The following ANO6 variants were observed in gnomAD, a reference collection of about 807,000 sequenced individuals.
The protein encoded by ANO6 is anoctamin-6.
In ANO6, 106 loss-of-function variants were observed where a neutral mutation model predicts 117.5. The observed-to-expected ratio is 0.90, with a 90% CI of 0.77 to 1.06. The LOEUF (loss-of-function observed/expected upper bound fraction) is 1.06, where lower values mean the gene tolerates loss of function less well. ANO6 is among the 50% of genes least tolerant of loss of function. The pLI is 0.00. For missense variants in ANO6, 955 were observed against 1,121.1 expected, an observed-to-expected ratio of 0.85 and a Z score of 2.12; for synonymous variants, 367 against 385.1, an observed-to-expected ratio of 0.95 and a Z score of 0.55.
At chr12:45,439,740 C>G in exon 20 of ANO6, 1 of 1,547,506 alleles carries the variant, frequency 6.5e-7, no homozygotes, top group Non-Finnish European at 8.7e-7. Flanking sequence ...ACCTCCGCCT[C>G]CCAGTTGACT....
At chr12:45,406,295 A>C (rs1474142540) in intron 15 of ANO6, among the ~76,000 whole-genome samples, 1 of 152,246 alleles carries the variant, frequency 6.6e-6, no homozygotes. Context: ...TGAGACCCGG[A>C]GAGCAAGCTC....
At position 45,431,390 on chromosome 12, in the gene ANO6, C is replaced by CATGT; in HGVS notation, c.*2084_*2087dup. ...GTGTTTAAATTTGGCAGTTACTCGCCATGTATGTCAGCATAGAAAAGGAAA... is the reference window on the plus strand; with the variant it reads ...GTGTTTAAATTTGGCAGTTACTCGCCATGTATGTATGTCAGCATAGAAAAGGAAA... On this transcript the variant is annotated 3_prime_UTR_variant, in exon 20 of 20. Transcript: ENST00000320560. The CATGT allele has an allele frequency of 1.0e-6, 1 of 985,326 alleles. No homozygotes were observed. Among genetic ancestry groups the CATGT allele is most frequent in the South Asian group, 4.7e-5 (1 of 21,278 alleles). The allele number at this position is 985,326 out of a possible 1,614,324, so 61.0% of individuals were successfully genotyped here. A position where few individuals can be genotyped will look rare whatever the true frequency, so the allele number is the denominator to read the frequency against.
At chr12:45,370,532 G>A (rs1455400426) in intron 9 of ANO6, among the ~76,000 whole-genome samples, 6 of 152,218 alleles carry the variant, frequency 3.9e-5, no homozygotes, top group African/African-American at 1.4e-4. Context: ...GTCAAGGCAA[G>A]TAGAGTGTTG....
Position 45,357,387 on chromosome 12 carries a change from C to G in ANO6, c.961C>G (p.Leu321Val), listed in dbSNP as rs770243770. 4.3e-6 allele frequency: 7 copies of G among 1,613,836 alleles called. No individual in the cohort carries two copies. The highest frequency in any genetic ancestry group is 5.9e-6 in the Non-Finnish European group (7 of 1,179,966). ...CGCAGTTGTAGGAGTGGCTTGCTTTCTCTATGGATATCTTAATCAAGATAA... is the reference window on the plus strand; with the variant it reads ...CGCAGTTGTAGGAGTGGCTTGCTTTGTCTATGGATATCTTAATCAAGATAA... ...LAAVVGVACF[L>V]YGYLNQDNCT... is the part of the protein sequence containing the mutation. Residue 321 changes from leucine (L) to valine (V), a missense_variant, in exon 8 of 20, where the codon CTC becomes GTC. Transcript: ENST00000320560.
intron 9 of ANO6, among the ~76,000 whole-genome samples, chr12:45,370,655 T>C (rs1249774279): frequency 6.6e-6 from 1 of 152,208 alleles, no homozygotes; most frequent in Non-Finnish European, 1.5e-5. Flanking sequence ...TTTCTTATAA[T>C]TTTACAATAA....
intron 1 of ANO6, among the ~76,000 whole-genome samples, chr12:45,242,303 A>T (rs2137167581): frequency 6.6e-6 from 1 of 152,328 alleles, no homozygotes; most frequent in East Asian, 1.9e-4. Context: ...TTCCCCTACC[A>T]GGCTGCAGCC....
At chr12:45,346,969 TTCTGCCTTTG>T in intron 3 of ANO6, 43 bp from the exon 4 acceptor site, 1 of 1,577,354 alleles carries the variant, frequency 6.3e-7, no homozygotes, top group Non-Finnish European at 8.7e-7. Context: ...AAATGCCTTT[TTCTGCCTTTG>T]GTAAACTAAA....
At chr12:45,254,050 C>T (rs779026831) in intron 1 of ANO6, among the ~76,000 whole-genome samples, 12 of 152,088 alleles carry the variant, frequency 7.9e-5, no homozygotes, top group Non-Finnish European at 1.3e-4. Context: ...GTCTGTAGTC[C>T]CAACTACTCA....
rs1229954220 is a variant in ANO6 at position 45,347,217 on chromosome 12, G to C, written c.345+130G>C. On this transcript the variant is annotated intron_variant, in intron 4 of 19. Transcript: ENST00000320560. ...ATCTTAGTCATAGACTGGGAGAGGA[G>C]TCAATCAAAATCTGCATTGTGTAGG... The C allele has an allele frequency of 4.7e-6, 4 of 855,686 alleles. No individual in the cohort carries two copies. In the South Asian group the frequency reaches 5.6e-5, roughly 12 times the overall value. 53.0% of individuals were successfully genotyped at this position (855,686 alleles called of 1,614,324 possible).
chr12:45,412,093 G>C (rs1374881276), intron 16 of ANO6, among the ~76,000 whole-genome samples: 1 of 152,174 alleles, frequency 6.6e-6, no homozygotes, highest in African/African-American at 2.4e-5. Context: ...ACCATCCTTT[G>C]AGATTATTGG....
intron 9 of ANO6, among the ~76,000 whole-genome samples, chr12:45,374,821 C>G (rs1021642995): frequency 2.6e-5 from 4 of 152,156 alleles, no homozygotes; most frequent in Admixed American, 1.3e-4. Flanking sequence ...TCTCACCACT[C>G]CTATTCAACA....
chr12:45,306,023 C>T (rs1939657881), intron 2 of ANO6, among the ~76,000 whole-genome samples: 1 of 152,142 alleles, frequency 6.6e-6, no homozygotes, highest in Non-Finnish European at 1.5e-5. Context: ...CCTGAGTACA[C>T]ATGAGCTGAG....
intron 19 of ANO6, among the ~76,000 whole-genome samples, chr12:45,439,487 C>G (rs886245404): frequency 5.9e-5 from 9 of 152,190 alleles, no homozygotes; most frequent in African/African-American, 2.2e-4. Context: ...CCCTGTTACT[C>G]CTTGTCCATG....
chr12:45,345,170 G>A lies in ANO6; in HGVS notation c.280-1852G>A, dbSNP rs535061241. On this transcript the variant is annotated intron_variant, in intron 3 of 19. Transcript: ENST00000320560. Reference sequence around the variant, plus strand: ...TAGAACAGTGTCTGGCATGTTTTAAGTACTGTACAACCATTTATTAAAGAT... The same window carrying A: ...TAGAACAGTGTCTGGCATGTTTTAAATACTGTACAACCATTTATTAAAGAT... Among the ~76,000 whole-genome samples, 7 of 152,280 alleles carry A rather than the reference G, an allele frequency of 4.6e-5. No individual in the cohort carries two copies. The South Asian group carries it at 1.5e-3, about 32-fold the overall frequency.
At chr12:45,240,955 C>T (rs573683712) in intron 1 of ANO6, among the ~76,000 whole-genome samples, 8 of 152,258 alleles carry the variant, frequency 5.3e-5, no homozygotes, top group East Asian at 1.9e-4. Flanking sequence ...GTGGGTAACC[C>T]GACCTTTCTC....
chr12:45,282,255 G>T (rs561922891), intron 1 of ANO6, among the ~76,000 whole-genome samples: 1 of 152,224 alleles, frequency 6.6e-6, no homozygotes, highest in Non-Finnish European at 1.5e-5. Flanking sequence ...TAGGCAGTTG[G>T]ATATGTGAAT....
chr12:45,270,589 TC>T (rs778562075), intron 1 of ANO6: 2 of 543,232 alleles, frequency 3.7e-6, no homozygotes, highest in Non-Finnish European at 6.3e-6. Context: ...GACTGTCAGT[TC>T]CGGGAGAACA....
chr12:45,398,020 T>C (rs1156449049), intron 12 of ANO6, among the ~76,000 whole-genome samples: 3 of 152,204 alleles, frequency 2.0e-5, no homozygotes, highest in Non-Finnish European at 4.4e-5. Context: ...ATATGATCTT[T>C]AGAAGTAAAA....
At chr12:45,379,602 G>A (rs1431289902) in intron 10 of ANO6, among the ~76,000 whole-genome samples, 4 of 152,166 alleles carry the variant, frequency 2.6e-5, no homozygotes, top group Admixed American at 6.5e-5. Flanking sequence ...TACTCTCAGC[G>A]TTGAATCATA....
Sources: gnomAD v4.1 joint callset for allele counts (sites outside exome capture counted in the v4.1 genomes callset) on GRCh38, gnomAD v4.1.1 for gene constraint, MANE v1.5 for transcripts, NCBI Gene and HGNC (gene_info 2026-07-23, HGNC 2026-07-21) for gene names.